LSAMP: variants seen among roughly 807,000 people sequenced by gnomAD.
LSAMP encodes limbic system associated membrane protein, also known as limbic system-associated membrane protein.
LSAMP carries 7 observed loss-of-function variants against 38.6 expected under a neutral mutation model. The observed-to-expected ratio is 0.18, with a 90% CI of 0.10 to 0.34. LSAMP has a LOEUF of 0.34. Among genes scored for constraint, LSAMP ranks in the 10% least tolerant of loss-of-function variants. The pLI, the probability that LSAMP is intolerant of heterozygous loss-of-function variation, is 1.00. For missense variants in LSAMP, 313 were observed against 420.0 expected (o/e 0.75, Z 2.23); for synonymous variants, 154 against 166.8 (o/e 0.92, Z 0.59).
At chr3:115,914,451 T>G (rs186786579) in intron 3 of LSAMP, among the ~76,000 whole-genome samples, 98 of 152,342 alleles carry the variant, frequency 6.4e-4, no homozygotes, top group Non-Finnish European at 1.0e-3. Context: ...TGGTGTTTCC[T>G]CTCAATAATT....
intron 1 of LSAMP, among the ~76,000 whole-genome samples, chr3:116,371,881 A>G (rs1559845227): frequency 6.6e-6 from 1 of 152,126 alleles, no homozygotes; most frequent in Non-Finnish European, 1.5e-5. Flanking sequence ...ATTTCTATAC[A>G]CTAAAAATGA....
intron 6 of LSAMP, among the ~76,000 whole-genome samples, chr3:115,819,316 TCTC>T (rs1231880693): frequency 6.6e-6 from 1 of 151,894 alleles, no homozygotes. Context: ...GTGTCTGTAA[TCTC>T]AGCTACTTGG....
intron 1 of LSAMP, among the ~76,000 whole-genome samples, chr3:116,116,723 AATG>A (rs1708758735): frequency 6.6e-6 from 1 of 151,278 alleles, no homozygotes; most frequent in Non-Finnish European, 1.5e-5. Context: ...CTCAAATAAT[AATG>A]ATAATAATAA....
intron 1 of LSAMP, among the ~76,000 whole-genome samples, chr3:116,148,690 T>C (rs143847613): frequency 6.6e-6 from 1 of 152,104 alleles, no homozygotes; most frequent in East Asian, 1.9e-4. Flanking sequence ...TTGTTCCATG[T>C]AACCTCAGAC....
intron 1 of LSAMP, among the ~76,000 whole-genome samples, chr3:116,144,799 T>G (rs923423356): frequency 1.3e-5 from 2 of 151,938 alleles, no homozygotes; most frequent in Non-Finnish European, 1.5e-5. Flanking sequence ...TGCTTTTGTT[T>G]GTTTCAAACT....
rs187143877 is a variant in LSAMP, at chr3:116,410,164, A to C, written c.155+34713T>G. Among the ~76,000 whole-genome samples the C allele has an allele frequency of 3.3e-5, 5 of 152,144 alleles. No homozygotes were observed. The East Asian group carries it at 7.7e-4, about 24-fold the overall frequency. ...TGTTTTTCGTAAATCTCTATATAGCACCTCAATCACGACTCTAAGTGATAA... is the reference window on the plus strand; with the variant it reads ...TGTTTTTCGTAAATCTCTATATAGCCCCTCAATCACGACTCTAAGTGATAA... On this transcript the variant is annotated intron_variant, in intron 1 of 6. Transcript: ENST00000490035.
intron 1 of LSAMP, among the ~76,000 whole-genome samples, chr3:116,247,630 C>T (rs922764852): frequency 1.3e-5 from 2 of 152,024 alleles, no homozygotes; most frequent in Admixed American, 6.5e-5. Flanking sequence ...GGTAAATTTA[C>T]GAGTGTACTC....
intron 3 of LSAMP, among the ~76,000 whole-genome samples, chr3:115,955,767 A>G (rs1576254046): frequency 6.6e-6 from 1 of 152,280 alleles, no homozygotes; most frequent in East Asian, 1.9e-4. Context: ...CCCACACCCT[A>G]CCTGCTTAGC....
chr3:116,054,641 T>C (rs1322859160), intron 2 of LSAMP, among the ~76,000 whole-genome samples: 1 of 152,152 alleles, frequency 6.6e-6, no homozygotes, highest in Non-Finnish European at 1.5e-5. Flanking sequence ...CAACACTGAA[T>C]AGAATAAAGA....
At chr3:116,118,377 G>T (rs1366750565) in intron 1 of LSAMP, among the ~76,000 whole-genome samples, 9 of 152,070 alleles carry the variant, frequency 5.9e-5, no homozygotes, top group Non-Finnish European at 1.2e-4. Flanking sequence ...TGATTGCTTT[G>T]GTTCTCAGCT....
chr3:115,908,519 G>T (rs543402635), intron 3 of LSAMP, among the ~76,000 whole-genome samples: 1 of 152,112 alleles, frequency 6.6e-6, no homozygotes, highest in Non-Finnish European at 1.5e-5. Flanking sequence ...GTGGAGTCCT[G>T]TTCTGATCCT....
chr3:115,869,353 C>T (rs928030068), intron 3 of LSAMP, among the ~76,000 whole-genome samples: 5 of 150,956 alleles, frequency 3.3e-5, no homozygotes, highest in Non-Finnish European at 5.9e-5. Flanking sequence ...ATGGCTCTCC[C>T]TTTGAAATCT....
At chr3:116,281,955 GTCAATAAGAAGTT>G (rs1274624928) in intron 1 of LSAMP, among the ~76,000 whole-genome samples, 3 of 152,180 alleles carry the variant, frequency 2.0e-5, no homozygotes, top group Non-Finnish European at 4.4e-5. Context: ...TTCTGACACT[GTCAATAAGAAGTT>G]TCACTGTTGT....
chr3:115,941,934 A>G (rs1329632408), intron 3 of LSAMP, among the ~76,000 whole-genome samples: 1 of 152,188 alleles, frequency 6.6e-6, no homozygotes, highest in African/African-American at 2.4e-5. Flanking sequence ...TACAATGTAT[A>G]AATACATAAA....
chr3:115,851,244 G>A (rs1935322010), intron 4 of LSAMP, among the ~76,000 whole-genome samples: 2 of 152,176 alleles, frequency 1.3e-5, no homozygotes, highest in South Asian at 4.1e-4. Flanking sequence ...CAAGTGCTGG[G>A]ATTACAGGGG....
At chr3:116,011,327 T>G (rs977479482) in intron 3 of LSAMP, among the ~76,000 whole-genome samples, 1 of 152,218 alleles carries the variant, frequency 6.6e-6, no homozygotes, top group African/African-American at 2.4e-5. Context: ...TTGAAGGTCT[T>G]GCAAGAATAA....
At chr3:116,215,106 G>C (rs2046204193) in intron 1 of LSAMP, among the ~76,000 whole-genome samples, 1 of 152,212 alleles carries the variant, frequency 6.6e-6, no homozygotes, top group South Asian at 2.1e-4. Context: ...ACCAAAAAGA[G>C]AGGACATTGT....
chr3:116,211,734 A>T (rs2046158811), intron 1 of LSAMP, among the ~76,000 whole-genome samples: 1 of 152,212 alleles, frequency 6.6e-6, no homozygotes. Flanking sequence ...CCTGAACTTA[A>T]AAGAACTAGT....
In LSAMP at chr3:116,245,106, C is replaced by T. The variant is rs78249035; in HGVS notation, c.156-158550G>A. On this transcript the variant is annotated intron_variant, in intron 1 of 6. Transcript: ENST00000490035. ...GTCTAAAGAGGTAATTAAGTTAAAG[C>T]GAGATCATTAGGGTGGGCCCTAATC... Among the ~76,000 whole-genome samples, 12 of 152,156 alleles carry T rather than the reference C, an allele frequency of 7.9e-5. No individual in the cohort carries two copies. The East Asian group carries it at 1.7e-3, about 22-fold the overall frequency.
Sources: gnomAD v4.1 joint callset for allele counts (sites outside exome capture counted in the v4.1 genomes callset) on GRCh38, gnomAD v4.1.1 for gene constraint, MANE v1.5 for transcripts, NCBI Gene and HGNC (gene_info 2026-07-23, HGNC 2026-07-21) for gene names.